Variants in MAP4 observed in about 807,000 individuals in gnomAD.
The protein encoded by MAP4 is microtubule-associated protein 4.
A neutral mutation model predicts 170.2 loss-of-function variants in MAP4; 76 were observed. The observed-to-expected ratio is 0.45, with a 90% CI of 0.37 to 0.54. The LOEUF is 0.54. Ranked by LOEUF, MAP4 falls within the 20% of genes least tolerant of loss-of-function variation. The pLI, the probability that MAP4 is intolerant of heterozygous loss-of-function variation, is 0.00. For synonymous variants in MAP4, 909 were observed against 994.5 expected (o/e 0.91, Z 1.62); for missense variants, 2,506 against 2,748.0 (o/e 0.91, Z 1.97).
In MAP4 at chr3:47,970,615, G is replaced by A. The variant is rs146966641; in HGVS notation, c.292+7250C>T. On this transcript the variant is annotated intron_variant, in intron 3 of 20. Transcript: ENST00000683076. ...ACCTGAGGTCAGGAGTTCGAGACCAGCCTGGCCAACATGGTGAAACTCCAT... is the reference window on the plus strand; with the variant it reads ...ACCTGAGGTCAGGAGTTCGAGACCAACCTGGCCAACATGGTGAAACTCCAT... Among the ~76,000 whole-genome samples the A allele has an allele frequency of 6.9e-4, 105 of 152,038 alleles. No homozygotes were observed. In the East Asian group the frequency reaches 0.019, roughly 28 times the overall value.
At chr3:48,062,463 C>T (rs2100136168) in intron 1 of MAP4, among the ~76,000 whole-genome samples, 1 of 142,186 alleles carries the variant, frequency 7.0e-6, no homozygotes, top group South Asian at 2.2e-4. Context: ...TGCCAAATCC[C>T]CTTCTGCGAG....
chr3:47,940,936 G>A (rs1419448339), intron 3 of MAP4, among the ~76,000 whole-genome samples: 1 of 152,008 alleles, frequency 6.6e-6, no homozygotes, highest in Non-Finnish European at 1.5e-5. Flanking sequence ...GGAGTGCAAT[G>A]GTGCAATCTC....
upstream of MAP4, among the ~76,000 whole-genome samples, chr3:48,018,314 G>A (rs1196353298): frequency 1.3e-5 from 2 of 152,188 alleles, no homozygotes; most frequent in Non-Finnish European, 2.9e-5. Context: ...GTAGACTACA[G>A]AGGAGACAGG....
At chr3:47,893,331 T>C (rs1215373230) in intron 10 of MAP4, among the ~76,000 whole-genome samples, 1 of 152,188 alleles carries the variant, frequency 6.6e-6, no homozygotes, top group Non-Finnish European at 1.5e-5. Context: ...CTTGGTTCCT[T>C]GGATGAGCTG....
chr3:47,920,857 TGAA>T (rs2100042447), intron 5 of MAP4, among the ~76,000 whole-genome samples: 1 of 152,136 alleles, frequency 6.6e-6, no homozygotes, highest in African/African-American at 2.4e-5. Context: ...TGCCTGTAAA[TGAA>T]GAAGTAGAAA....
chr3:47,859,023 G>A (rs2061453130), intron 17 of MAP4, among the ~76,000 whole-genome samples: 1 of 152,140 alleles, frequency 6.6e-6, no homozygotes, highest in African/African-American at 2.4e-5. Context: ...CCAGTACTCG[G>A]GAGGCTGAGG....
chr3:48,022,876 G>GC (rs2100111246), intron 1 of MAP4, among the ~76,000 whole-genome samples: 1 of 148,282 alleles, frequency 6.7e-6, no homozygotes, highest in African/African-American at 2.5e-5. Flanking sequence ...GGGCAACAGA[G>GC]TGACACTCCA....
chr3:48,079,560 C>G (rs966332140), intron 1 of MAP4, among the ~76,000 whole-genome samples: 2 of 151,882 alleles, frequency 1.3e-5, no homozygotes, highest in Admixed American at 1.3e-4. Context: ...GAGGCTGAGG[C>G]AGGAGGATCG....
At chr3:47,995,302 G>A (rs1479397638) in intron 2 of MAP4, among the ~76,000 whole-genome samples, 1 of 143,628 alleles carries the variant, frequency 7.0e-6, no homozygotes, top group Non-Finnish European at 1.5e-5. Flanking sequence ...CCAGGCTGGA[G>A]TGCAGTGGCA....
chr3:47,908,256 GA>G (rs1045037705), intron 9 of MAP4, among the ~76,000 whole-genome samples: 8 of 152,066 alleles, frequency 5.3e-5, no homozygotes, highest in African/African-American at 1.9e-4. Flanking sequence ...AATCTTAAAG[GA>G]ATCATCTTCT....
chr3:47,924,667 C>A (rs1377628001), intron 4 of MAP4, among the ~76,000 whole-genome samples: 1 of 152,138 alleles, frequency 6.6e-6, no homozygotes, highest in Non-Finnish European at 1.5e-5. Flanking sequence ...GATCTGAAGA[C>A]CTGACTGGGG....
chr3:48,079,255 A>T (rs1487567296), intron 1 of MAP4, among the ~76,000 whole-genome samples: 1 of 152,128 alleles, frequency 6.6e-6, no homozygotes, highest in East Asian at 1.9e-4. Flanking sequence ...GCATTTTGGA[A>T]TATCTGTATA....
intron 3 of MAP4, among the ~76,000 whole-genome samples, chr3:47,958,332 G>A (rs1241309911): frequency 2.0e-5 from 3 of 152,154 alleles, no homozygotes; most frequent in South Asian, 2.1e-4. Flanking sequence ...GCTGAGGTTC[G>A]TGCTGAAGGC....
chr3:47,994,122 C>T (rs1578968216), intron 2 of MAP4, among the ~76,000 whole-genome samples: 1 of 152,064 alleles, frequency 6.6e-6, no homozygotes, highest in Non-Finnish European at 1.5e-5. Context: ...AAAGGGCATC[C>T]ATTTTTCTTC....
intron 3 of MAP4, among the ~76,000 whole-genome samples, chr3:47,946,092 GC>G (rs1209147900): frequency 6.6e-6 from 1 of 150,828 alleles, no homozygotes; most frequent in Non-Finnish European, 1.5e-5. Context: ...CCGCCACCAT[GC>G]TTGGCTAATT....
chr3:48,001,980 G>T (rs1381985850), intron 1 of MAP4, among the ~76,000 whole-genome samples: 1 of 152,006 alleles, frequency 6.6e-6, no homozygotes, highest in African/African-American at 2.4e-5. Context: ...AGGTTCATGC[G>T]ACTCTGTCAT....
chr3:48,063,560 G>C (rs1030246006), intron 1 of MAP4, among the ~76,000 whole-genome samples: 9 of 152,112 alleles, frequency 5.9e-5, no homozygotes, highest in African/African-American at 2.2e-4. Flanking sequence ...ATTTATAGTA[G>C]CTTTATTCAC....
At chr3:47,921,923 C>A in intron 4 of MAP4, 45 bp from the exon 5 acceptor site, 1 of 828,344 alleles carries the variant, frequency 1.2e-6, no homozygotes, top group Non-Finnish European at 2.1e-6. Context: ...GTGAATGCAA[C>A]TAGAAAGATT....
At chr3:48,050,816 A>C (rs1450055968) in intron 1 of MAP4, among the ~76,000 whole-genome samples, 6 of 151,412 alleles carry the variant, frequency 4.0e-5, no homozygotes, top group Admixed American at 6.6e-5. Context: ...GAGGCAAGAG[A>C]ATCGCTTGAA....
Sources: gnomAD v4.1 joint callset for allele counts (sites outside exome capture counted in the v4.1 genomes callset) on GRCh38, gnomAD v4.1.1 for gene constraint, MANE v1.5 for transcripts, NCBI Gene and HGNC (gene_info 2026-07-23, HGNC 2026-07-21) for gene names.